Variants in CDC42SE2 observed in about 807,000 individuals in gnomAD.
The protein encoded by CDC42SE2 is CDC42 small effector 2.
A neutral mutation model predicts 11.5 loss-of-function variants in CDC42SE2; 3 were observed. The observed-to-expected ratio is 0.26, with a 90% CI of 0.12 to 0.67. The LOEUF is 0.67. CDC42SE2 is among the 30% of genes least tolerant of loss of function. The pLI, the probability that CDC42SE2 is intolerant of heterozygous loss-of-function variation, is 0.80. For synonymous variants in CDC42SE2, 33 were observed against 34.8 expected (o/e 0.95, Z 0.18); for missense variants, 82 against 106.8 (o/e 0.77, Z 1.02).
chr5:131,330,769 C>A (rs1000668566), intron 2 of CDC42SE2, among the ~76,000 whole-genome samples: 1 of 149,270 alleles, frequency 6.7e-6, no homozygotes, highest in Non-Finnish European at 1.5e-5. Flanking sequence ...GTAATCCCAG[C>A]ACTTTGGGAA....
intron 1 of CDC42SE2, among the ~76,000 whole-genome samples, chr5:131,264,559 G>A (rs2149688223): frequency 6.6e-6 from 1 of 151,484 alleles, no homozygotes; most frequent in East Asian, 2.0e-4. Flanking sequence ...GGGCGGGGAG[G>A]GCCCGGGGTC....
chr5:131,337,402 G>A (rs903594372), intron 2 of CDC42SE2, among the ~76,000 whole-genome samples: 6 of 152,214 alleles, frequency 3.9e-5, no homozygotes, highest in African/African-American at 1.4e-4. Context: ...TCCCAGTTAG[G>A]CTGCTCGTGG....
chr5:131,371,995 T>C (rs1750024366), intron 3 of CDC42SE2, among the ~76,000 whole-genome samples: 1 of 152,212 alleles, frequency 6.6e-6, no homozygotes, highest in African/African-American at 2.4e-5. Context: ...CCCCCCCTTA[T>C]TCCCCATCAC....
chr5:131,325,566 T>C (rs563153394), intron 2 of CDC42SE2, among the ~76,000 whole-genome samples: 4 of 151,634 alleles, frequency 2.6e-5, no homozygotes, highest in South Asian at 4.2e-4. Context: ...TGTACACTCA[T>C]AGCAAATGGT....
At chr5:131,235,312 A>G in the CDC42SE2 span, among the ~76,000 whole-genome samples, 1 of 144,644 alleles carries the variant, frequency 6.9e-6, no homozygotes, top group East Asian at 2.0e-4. Flanking sequence ...TTTTTTTGAG[A>G]TAGAGTCTCG....
chr5:131,390,855 A>G, intron 4 of CDC42SE2, 138 bp from the exon 5 acceptor site: 1 of 437,740 alleles, frequency 2.3e-6, no homozygotes. Flanking sequence ...TTGTTTGTCT[A>G]TAAAAAAATT....
chr5:131,347,813 G>T (rs1758889427), intron 2 of CDC42SE2, among the ~76,000 whole-genome samples: 1 of 152,202 alleles, frequency 6.6e-6, no homozygotes, highest in Non-Finnish European at 1.5e-5. Context: ...GATCAAGTGG[G>T]CTTTATCCCT....
chr5:131,250,577 A>AG (rs1023514441), intron 1 of CDC42SE2, among the ~76,000 whole-genome samples: 2 of 152,156 alleles, frequency 1.3e-5, no homozygotes, highest in African/African-American at 4.8e-5. Flanking sequence ...GAGCCAGGGT[A>AG]GGGGGAGGTG....
Position 131,319,332 on chromosome 5 carries a change from G to C in CDC42SE2, c.-286+3188G>C, listed in dbSNP as rs187553019. Among the ~76,000 whole-genome samples the C allele has an allele frequency of 1.5e-3, 234 of 152,246 alleles. 1 individual carries two copies. The highest frequency in any genetic ancestry group is 5.3e-3 in the African/African-American group (221 of 41,542). On this transcript the variant is annotated intron_variant, in intron 2 of 4. Transcript: ENST00000505065. ...GAAACCACTTACTTCAGCTGCAGTT[G>C]TTTTCTTACCCTAGGGCCATAGAAA...
At chr5:131,385,694 T>G (rs368662864) in intron 4 of CDC42SE2, 50 bp downstream of exon 4, 4 of 1,134,972 alleles carry the variant, frequency 3.5e-6, no homozygotes, top group South Asian at 1.3e-5. Flanking sequence ...CATAGTCATA[T>G]GAAACCTGTG....
chr5:131,270,013 A>G (rs1756959403), intron 1 of CDC42SE2, among the ~76,000 whole-genome samples: 1 of 151,960 alleles, frequency 6.6e-6, no homozygotes, highest in Admixed American at 6.6e-5. Flanking sequence ...GTGAGCTGGG[A>G]TGGCACCACT....
chr5:131,343,436 G>A (rs1262115425), intron 2 of CDC42SE2, among the ~76,000 whole-genome samples: 3 of 152,150 alleles, frequency 2.0e-5, no homozygotes, highest in Non-Finnish European at 1.5e-5. Flanking sequence ...AAAAGGCCCA[G>A]GCACGGTGGC....
At chr5:131,351,856 C>T (rs1454794991) in intron 2 of CDC42SE2, among the ~76,000 whole-genome samples, 2 of 152,184 alleles carry the variant, frequency 1.3e-5, no homozygotes, top group African/African-American at 2.4e-5. Flanking sequence ...AACTTTAACT[C>T]TTCGAAAGAT....
At chr5:131,280,085 G>T (rs752529492) in intron 1 of CDC42SE2, among the ~76,000 whole-genome samples, 13 of 152,128 alleles carry the variant, frequency 8.5e-5, no homozygotes, top group Admixed American at 6.6e-4. Flanking sequence ...ATTGAACTTA[G>T]TTGGCTCGGG....
intron 1 of CDC42SE2, among the ~76,000 whole-genome samples, chr5:131,312,994 T>C (rs572426325): frequency 6.6e-6 from 1 of 152,106 alleles, no homozygotes; most frequent in African/African-American, 2.4e-5. Flanking sequence ...CTTTTCTTTT[T>C]TTTTTTTAGA....
At chr5:131,367,968 T>C (rs536846418) in intron 3 of CDC42SE2, among the ~76,000 whole-genome samples, 1 of 152,230 alleles carries the variant, frequency 6.6e-6, no homozygotes, top group Admixed American at 6.5e-5. Context: ...AAGAAGTCTT[T>C]CCTGGACAGG....
In CDC42SE2 at chr5:131,384,550, C is replaced by T. The variant is rs531381193; in HGVS notation, c.55-993C>T. On this transcript the variant is annotated intron_variant, in intron 3 of 4. Transcript: ENST00000505065. The stretch of plus-strand genomic sequence containing the variant: ...GCCCCATAGTAGGACACTAACCCAA[C>T]GTGGCCAGTGGTCTCTCCCAATAAC... 1.8e-4 allele frequency among the ~76,000 whole-genome samples: 28 copies of T among 152,236 alleles called. 1 individual carries two copies. Among genetic ancestry groups the T allele is most frequent in the Admixed American group, 7.9e-4 (12 of 15,286 alleles).
chr5:131,277,385 A>G (rs1757125812), intron 1 of CDC42SE2, among the ~76,000 whole-genome samples: 1 of 152,218 alleles, frequency 6.6e-6, no homozygotes, highest in Non-Finnish European at 1.5e-5. Context: ...GAATACAATT[A>G]ATAGGTGTGA....
At chr5:131,300,917 A>G (rs1013630937) in intron 1 of CDC42SE2, among the ~76,000 whole-genome samples, 19 of 152,212 alleles carry the variant, frequency 1.2e-4, no homozygotes, top group Non-Finnish European at 2.9e-5. Context: ...TAGCTATGAT[A>G]TGTCAAGCAT....
Sources: gnomAD v4.1 joint callset for allele counts (sites outside exome capture counted in the v4.1 genomes callset) on GRCh38, gnomAD v4.1.1 for gene constraint, MANE v1.5 for transcripts, NCBI Gene and HGNC (gene_info 2026-07-23, HGNC 2026-07-21) for gene names.